TBC1D5: variants seen among roughly 807,000 people sequenced by gnomAD.
TBC1D5 encodes TBC1 domain family member 5.
In TBC1D5, 75 loss-of-function variants were observed where a neutral mutation model predicts 100.3. That is an observed-to-expected ratio of 0.75 (90% confidence interval 0.62 to 0.91). TBC1D5 has a LOEUF of 0.91. TBC1D5 is among the 40% of genes least tolerant of loss of function. TBC1D5 has a pLI of 0.00. For missense variants in TBC1D5, 910 were observed against 942.4 expected, an observed-to-expected ratio of 0.97 and a Z score of 0.45; for synonymous variants, 323 against 325.6, an observed-to-expected ratio of 0.99 and a Z score of 0.09.
intron 19 of TBC1D5, among the ~76,000 whole-genome samples, chr3:17,170,843 C>A (rs2067107715): frequency 6.6e-6 from 1 of 152,126 alleles, no homozygotes; most frequent in Admixed American, 6.5e-5. Context: ...AGTAGAGAAA[C>A]TAAGTGTGGG....
intron 18 of TBC1D5, among the ~76,000 whole-genome samples, chr3:17,192,741 G>C (rs2070113308): frequency 6.6e-6 from 1 of 152,180 alleles, no homozygotes; most frequent in East Asian, 1.9e-4. Context: ...ACCCCTTCTT[G>C]TTTACAAATA....
chr3:17,385,810 A>C (rs970954656), intron 8 of TBC1D5, among the ~76,000 whole-genome samples: 12 of 152,004 alleles, frequency 7.9e-5, no homozygotes, highest in African/African-American at 2.9e-4. Flanking sequence ...TAATGTGATG[A>C]TCTCCCAGGC....
intron 8 of TBC1D5, among the ~76,000 whole-genome samples, chr3:17,391,671 G>T (rs1196293274): frequency 6.6e-6 from 1 of 152,002 alleles, no homozygotes; most frequent in African/African-American, 2.4e-5. Context: ...GTGGGAAAAA[G>T]ACTATTAGCA....
chr3:17,334,595 T>G (rs918321985), intron 13 of TBC1D5, among the ~76,000 whole-genome samples: 3 of 152,124 alleles, frequency 2.0e-5, no homozygotes, highest in African/African-American at 7.2e-5. Context: ...AACTGAAGAC[T>G]TTTTCTGCTT....
chr3:17,310,567 G>A (rs1055340105), intron 13 of TBC1D5, among the ~76,000 whole-genome samples: 1 of 152,018 alleles, frequency 6.6e-6, no homozygotes, highest in African/African-American at 2.4e-5. Flanking sequence ...AGTGCTTTAT[G>A]TATTTACAGA....
intron 3 of TBC1D5, among the ~76,000 whole-genome samples, chr3:17,456,519 C>T (rs2095088662): frequency 6.6e-6 from 1 of 152,066 alleles, no homozygotes; most frequent in Non-Finnish European, 1.5e-5. Context: ...CAAAAGAAGA[C>T]ACAGAAATGG....
At chr3:17,637,954 C>G (rs146937805) in intron 1 of TBC1D5, among the ~76,000 whole-genome samples, 2 of 152,234 alleles carry the variant, frequency 1.3e-5, no homozygotes, top group African/African-American at 4.8e-5. Context: ...ACAATCTAAA[C>G]AGTTACTATT....
chr3:17,573,150 C>T (rs1382114174), intron 2 of TBC1D5, among the ~76,000 whole-genome samples: 1 of 152,042 alleles, frequency 6.6e-6, no homozygotes, highest in Non-Finnish European at 1.5e-5. Context: ...TTTCAAACCG[C>T]TCCTCTTGTA....
chr3:17,324,319 A>C (rs1331722756), intron 13 of TBC1D5, among the ~76,000 whole-genome samples: 1 of 152,220 alleles, frequency 6.6e-6, no homozygotes, highest in Non-Finnish European at 1.5e-5. Context: ...ATTAAAAATT[A>C]AAAACTTATC....
chr3:17,428,599 C>A, intron 3 of TBC1D5, 80 bp from the exon 4 acceptor site: 1 of 639,258 alleles, frequency 1.6e-6, no homozygotes, highest in Non-Finnish European at 2.4e-6. Flanking sequence ...AAGCTCTACG[C>A]AATATATTAG....
intron 2 of TBC1D5, among the ~76,000 whole-genome samples, chr3:17,599,741 G>A (rs1227126155): frequency 5.3e-5 from 8 of 152,120 alleles, no homozygotes; most frequent in African/African-American, 1.7e-4. Flanking sequence ...TCTGGCTCTC[G>A]ATCACCTGCA....
intron 15 of TBC1D5, among the ~76,000 whole-genome samples, chr3:17,270,944 T>C (rs2079353744): frequency 6.6e-6 from 1 of 152,212 alleles, no homozygotes; most frequent in Non-Finnish European, 1.5e-5. Flanking sequence ...GTCTTATTTC[T>C]GAGTTCTCTA....
chr3:17,175,320 T>C (rs147954740), intron 19 of TBC1D5, among the ~76,000 whole-genome samples: 218 of 148,352 alleles, frequency 1.5e-3, no homozygotes, highest in African/African-American at 5.3e-3. Flanking sequence ...ATAGTTCTCT[T>C]AAGTGAACTG....
At chr3:17,440,506 ACC>A (rs147402109) in intron 3 of TBC1D5, among the ~76,000 whole-genome samples, 3,094 of 152,200 alleles carry the variant, frequency 0.02, 91 homozygotes, top group African/African-American at 0.07. Flanking sequence ...GGTCCCAGCT[ACC>A]TAGGGGACTG....
At position 17,513,802 on chromosome 3, in the gene TBC1D5, G is replaced by C. The variant is rs144672906; in HGVS notation, c.-35-5197C>G. On this transcript the variant is annotated intron_variant, in intron 2 of 21. Coordinates refer to ENST00000253692, the Ensembl canonical transcript of TBC1D5. ...GCAGCGTGAATAAGTATGTGTTCTA[G>C]GTAGCATGTATTTACCATGATAGGT... Among the ~76,000 whole-genome samples, 17 of 152,238 alleles carry C rather than the reference G, an allele frequency of 1.1e-4. 1 individual carries two copies. The East Asian group carries it at 3.3e-3, about 29-fold the overall frequency.
intron 9 of TBC1D5, among the ~76,000 whole-genome samples, chr3:17,382,020 T>C (rs543459406): frequency 6.6e-6 from 1 of 152,192 alleles, no homozygotes; most frequent in East Asian, 1.9e-4. Flanking sequence ...GTCACATTAG[T>C]TTGATCACAG....
intron 3 of TBC1D5, among the ~76,000 whole-genome samples, chr3:17,455,328 ATATATGTATATGTATATATG>A (rs2095044124): frequency 6.9e-6 from 1 of 144,580 alleles, no homozygotes; most frequent in African/African-American, 2.6e-5. Context: ...GTATATGTGT[ATATATGTATATGTATATATG>A]TATATGTATA....
intron 18 of TBC1D5, among the ~76,000 whole-genome samples, chr3:17,193,252 A>G (rs962244279): frequency 6.6e-6 from 1 of 152,218 alleles, no homozygotes; most frequent in African/African-American, 2.4e-5. Context: ...CAGGAGCCCA[A>G]CAGGGGCTGC....
rs2060342050 is a variant in TBC1D5, at chr3:17,593,158, G to A, written c.-36+30691C>T. Among the ~76,000 whole-genome samples, 2 of 152,148 alleles carry A rather than the reference G, an allele frequency of 1.3e-5. 1 individual carries two copies. The highest frequency in any genetic ancestry group is 1.3e-4 in the Admixed American group (2 of 15,270). On this transcript the variant is annotated intron_variant, in intron 2 of 21. Transcript: ENST00000253692. ...CTCAGTTTGCACCGATGACCTCATG[G>A]GGAGTTCCCTATGATCAGTTGACAG...
Sources: allele counts gnomAD v4.1 joint callset (sites outside exome capture counted in the v4.1 genomes callset), GRCh38; gene constraint gnomAD v4.1.1; transcripts MANE v1.5; gene names NCBI Gene and HGNC (gene_info 2026-07-23, HGNC 2026-07-21).